The following CEP152 variants were observed in gnomAD, a reference collection of about 807,000 sequenced individuals.
The protein encoded by CEP152 is centrosomal protein 152.
Under a neutral mutation model 188.9 loss-of-function variants are expected in CEP152, and 132 were observed. The ratio of observed to expected loss-of-function variants is 0.70; its 90% CI spans 0.61 to 0.81. CEP152 has a LOEUF of 0.81. CEP152 is among the 30% of genes least tolerant of loss of function. The pLI, the probability that CEP152 is intolerant of heterozygous loss-of-function variation, is 0.00. For synonymous variants in CEP152, 649 were observed against 666.6 expected (o/e 0.97, Z 0.41); for missense variants, 1,914 against 1,969.8 (o/e 0.97, Z 0.54).
chr15:48,762,259 G>C, intron 18 of CEP152, 132 bp downstream of exon 18: 2 of 891,872 alleles, frequency 2.2e-6, no homozygotes, highest in Admixed American at 4.7e-5. Flanking sequence ...AACATGACAG[G>C]TTTTCTATCC....
chr15:48,773,331 GC>G (rs1895685243), intron 12 of CEP152: 1 of 153,578 alleles, frequency 6.5e-6, no homozygotes, highest in South Asian at 2.1e-4. Flanking sequence ...TAGACAACAG[GC>G]AGCACAGGCC....
At chr15:48,768,084 A>C in intron 15 of CEP152, 135 bp downstream of exon 15, 1 of 677,240 alleles carries the variant, frequency 1.5e-6, no homozygotes, top group Non-Finnish European at 2.7e-6. Flanking sequence ...CCAGGGACTC[A>C]TCTCTGCCAA....
At chr15:48,766,987 G>A (rs1595638679) in intron 17 of CEP152, 73 bp downstream of exon 17, 3 of 1,584,200 alleles carry the variant, frequency 1.9e-6, no homozygotes, top group Non-Finnish European at 2.6e-6. Flanking sequence ...TAGAACAAAT[G>A]TATTCGTTTA....
In CEP152 at chr15:48,797,478, A is replaced by C. The variant is rs751587656; in HGVS notation, c.363T>G (p.Pro121=). ...TTCCACCTTCATCTCCACCTTCTTC[A>C]GGATGGTACACAGGATGTCGGTCTT... The part of the protein sequence containing the change: ...KTEDRHPVYH[P]EEGGDEGGSG... Residue 121 remains proline, a synonymous_variant, in exon 5 of 27, where the codon CCT becomes CCG. Transcript: ENST00000380950. 6 of 1,614,188 alleles carry C rather than the reference A, an allele frequency of 3.7e-6. No homozygotes were observed. The highest frequency in any genetic ancestry group is 5.1e-6 in the Non-Finnish European group (6 of 1,180,012).
In CEP152 at chr15:48,796,287, TATACAC is replaced by T. The variant is rs778743656; in HGVS notation, c.541-133_541-128del. 3.2e-3 allele frequency: 2,188 copies of T among 690,140 alleles called. 1 individual carries two copies. The highest frequency in any genetic ancestry group is 4.9e-3 in the Admixed American group (192 of 39,494). 42.8% of individuals were successfully genotyped at this position (690,140 alleles called of 1,614,324 possible). On this transcript the variant is annotated intron_variant, in intron 5 of 26. Transcript: ENST00000380950. ...GGTACAGTTCAAAGTTGTTTATATATATACACACACACACACACACACACACACACA... is the reference window on the plus strand; with the variant it reads ...GGTACAGTTCAAAGTTGTTTATATATACACACACACACACACACACACACA...
chr15:48,756,216 TGAA>T lies in CEP152; in HGVS notation c.3029_3031del (p.Leu1010del), dbSNP rs757694737. 10 of 1,612,918 alleles carry T rather than the reference TGAA, an allele frequency of 6.2e-6. No homozygotes were observed. Among genetic ancestry groups the T allele is most frequent in the Non-Finnish European group, 8.5e-6 (10 of 1,179,298 alleles). ...ACAAGTTTGTAATTCTGTCTCCTTCTGAAGAAGTAGTTCAGTTTTTTGTTTCAT... is the reference window on the plus strand; with the variant it reads ...ACAAGTTTGTAATTCTGTCTCCTTCTGAAGTAGTTCAGTTTTTTGTTTCAT... On this transcript the variant is annotated inframe_deletion, in exon 20 of 27. Transcript: ENST00000380950.
intron 21 of CEP152, among the ~76,000 whole-genome samples, chr15:48,750,454 T>C (rs918320661): frequency 3.3e-5 from 5 of 152,158 alleles, no homozygotes; most frequent in African/African-American, 1.2e-4. Flanking sequence ...TTCTTAGCTC[T>C]CTCCTGACAT....
chr15:48,797,598 A>G lies in CEP152; in HGVS notation c.262-19T>C. 6.2e-7 allele frequency: 1 copy of G among 1,614,104 alleles called. No individual in the cohort carries two copies. The highest frequency in any genetic ancestry group is 8.5e-7 in the Non-Finnish European group (1 of 1,179,984). ...TATAGCCCTATTAGATAACAAGAGTAAAACAAAAGCACGAAGATCCAGTCC... is the reference window on the plus strand; with the variant it reads ...TATAGCCCTATTAGATAACAAGAGTGAAACAAAAGCACGAAGATCCAGTCC... On this transcript the variant is annotated intron_variant, in intron 4 of 26. Transcript: ENST00000380950.
intron 2 of CEP152, among the ~76,000 whole-genome samples, chr15:48,800,508 T>C (rs1206344332): frequency 6.6e-6 from 1 of 152,164 alleles, no homozygotes; most frequent in African/African-American, 2.4e-5. Flanking sequence ...AAACACAAAA[T>C]TGCCGTATCT....
intron 26 of CEP152, 24 bp from the exon 27 acceptor site, chr15:48,739,312 A>T: frequency 1.3e-6 from 2 of 1,582,436 alleles, no homozygotes; most frequent in Non-Finnish European, 8.5e-7. Context: ...GGAAACACGA[A>T]ATTAAGAGAA....
chr15:48,772,391 A>G lies in CEP152; in HGVS notation c.1782+96T>C, dbSNP rs1048175831. On this transcript the variant is annotated intron_variant, in intron 13 of 26. Coordinates refer to ENST00000380950, the MANE Select transcript of CEP152 (RefSeq NM_001194998.2). ...CCACCACTGCCCTCCAGCCTGGAAG[A>G]CAGAGTGACGCCCTGTCTCAAAAAA... is the stretch of plus-strand genomic sequence containing the variant. The G allele has an allele frequency of 2.0e-5, 20 of 1,017,810 alleles. No individual in the cohort carries two copies. The African/African-American group carries it at 3.0e-4, about 15-fold the overall frequency. 63.0% of individuals were successfully genotyped at this position (1,017,810 alleles called of 1,614,324 possible).
chr15:48,797,421 C>T lies in CEP152; in HGVS notation c.420G>A (p.Gln140=). ...SGYSPPSKCE[Q]TDLYHLPENF... ...TTTCAGGAAGGTGATATAAATCAGTCTGTTCACATTTACTTGGAGGACTAT... is the reference window on the plus strand; with the variant it reads ...TTTCAGGAAGGTGATATAAATCAGTTTGTTCACATTTACTTGGAGGACTAT... Residue 140 remains glutamine (Q), a synonymous_variant, in exon 5 of 27, where the codon CAG becomes CAA. Coordinates refer to ENST00000380950, the MANE Select transcript of CEP152 (RefSeq NM_001194998.2). 6.2e-7 allele frequency: 1 copy of T among 1,614,170 alleles called. No homozygotes were observed. The highest frequency in any genetic ancestry group is 1.1e-5 in the South Asian group (1 of 91,082).
At chr15:48,749,021 CA>C (rs1893683131) in intron 21 of CEP152, among the ~76,000 whole-genome samples, 1 of 151,944 alleles carries the variant, frequency 6.6e-6, no homozygotes, top group Non-Finnish European at 1.5e-5. Flanking sequence ...AGAAAGTACT[CA>C]AAAATACAGG....
At chr15:48,764,043 A>G (rs1047386516) in intron 17 of CEP152, among the ~76,000 whole-genome samples, 1 of 152,244 alleles carries the variant, frequency 6.6e-6, no homozygotes, top group Admixed American at 6.5e-5. Flanking sequence ...TCCTAAAAAT[A>G]AAACTGGTGT....
In CEP152 at chr15:48,788,892, C is replaced by T. The variant is rs770125971; in HGVS notation, c.1082G>A (p.Ser361Asn). Residue 361 changes from serine to asparagine, a missense_variant, in exon 9 of 27, where the codon AGC becomes AAC. Physicochemically the swap from Ser to Asn is conservative, Grantham distance 46 (BLOSUM62 1). Coordinates refer to ENST00000380950, the MANE Select transcript of CEP152 (RefSeq NM_001194998.2). Reference protein sequence around the residue: ...SLQRAREQHESIVMGLTKKYE... With the variant: ...SLQRAREQHENIVMGLTKKYE... The stretch of plus-strand genomic sequence containing the variant: ...CTTCTTTGTGAGGCCCATAACAATG[C>T]TCTCATGCTGTTCTCTAGCTCGTTG... The T allele has an allele frequency of 6.2e-7, 1 of 1,614,104 alleles. No individual in the cohort carries two copies. The highest frequency in any genetic ancestry group is 2.2e-5 in the East Asian group (1 of 44,884).
chr15:48,760,208 G>T lies in CEP152; in HGVS notation c.2621C>A (p.Ala874Glu), dbSNP rs1420029894. Residue 874 changes from alanine to glutamate, a missense_variant, in exon 19 of 27, where the codon GCA becomes GAA. Transcript: ENST00000380950. ...TGCCTTCACAAGTGCTTGATACTCT[G>T]CCAGCTCTGGTAGTTCTCCCAGCCA... Reference protein sequence around the residue: ...QRWLGELPELAEYQALVKAEQ... With the variant: ...QRWLGELPELEEYQALVKAEQ... The T allele has an allele frequency of 6.2e-7, 1 of 1,614,072 alleles. No individual in the cohort carries two copies.
At chr15:48,766,929 C>T (rs1895155007) in intron 17 of CEP152, 131 bp downstream of exon 17, 6 of 1,211,484 alleles carry the variant, frequency 5.0e-6, no homozygotes, top group Non-Finnish European at 7.2e-6. Context: ...GAGTGTGATA[C>T]AGCCAAAAGT....
At chr15:48,778,425 T>G (rs557719150) in intron 12 of CEP152, among the ~76,000 whole-genome samples, 158 of 152,308 alleles carry the variant, frequency 1.0e-3, no homozygotes, top group African/African-American at 3.7e-3. Flanking sequence ...TAGCTTTTAG[T>G]TTTCCACGAA....
At chr15:48,762,775 C>T in intron 17 of CEP152, 103 bp from the exon 18 acceptor site, 1 of 1,100,082 alleles carries the variant, frequency 9.1e-7, no homozygotes, top group Non-Finnish European at 1.3e-6. Flanking sequence ...GTTTGAAAAC[C>T]ATCTAGATAT....
Sources: allele counts gnomAD v4.1 joint callset (sites outside exome capture counted in the v4.1 genomes callset), GRCh38; gene constraint gnomAD v4.1.1; transcripts MANE v1.5; gene names NCBI Gene and HGNC (gene_info 2026-07-23, HGNC 2026-07-21).